KLHL1: variants seen among roughly 807,000 people sequenced by gnomAD.
The protein encoded by KLHL1 is kelch-like protein 1.
KLHL1 carries 47 observed loss-of-function variants against 77.7 expected under a neutral mutation model. The ratio of observed to expected loss-of-function variants is 0.60; its 90% CI spans 0.48 to 0.77. KLHL1 has a LOEUF of 0.77. Among genes scored for constraint, KLHL1 ranks in the 30% least tolerant of loss-of-function variants. The pLI is 0.00. For synonymous variants in KLHL1, 360 were observed against 325.2 expected (o/e 1.11, Z -1.15); for missense variants, 925 against 910.8 (o/e 1.02, Z -0.20).
intron 3 of KLHL1, among the ~76,000 whole-genome samples, chr13:69,955,944 TTATATA>T (rs570913158): frequency 7.5e-6 from 1 of 133,970 alleles, no homozygotes; most frequent in Non-Finnish European, 1.6e-5. Flanking sequence ...TGATATATAT[TTATATA>T]TATATTTGAT....
At chr13:69,924,176 C>G (rs1414438662) in intron 4 of KLHL1, among the ~76,000 whole-genome samples, 1 of 152,184 alleles carries the variant, frequency 6.6e-6, no homozygotes, top group Non-Finnish European at 1.5e-5. Flanking sequence ...TCAGCACAAA[C>G]AGCCTGGGCA....
intron 1 of KLHL1, among the ~76,000 whole-genome samples, chr13:70,000,992 C>T (rs961864452): frequency 7.4e-5 from 11 of 148,560 alleles, no homozygotes; most frequent in Non-Finnish European, 1.0e-4. Context: ...AAGTAATTGG[C>T]AAAATATAGA....
intron 7 of KLHL1, among the ~76,000 whole-genome samples, chr13:69,777,008 C>T (rs997155585): frequency 6.6e-6 from 1 of 152,016 alleles, no homozygotes; most frequent in African/African-American, 2.4e-5. Context: ...TCCCATAATC[C>T]CCACGTGTCA....
intron 5 of KLHL1, among the ~76,000 whole-genome samples, chr13:69,853,144 A>G (rs1354275781): frequency 6.6e-6 from 1 of 151,986 alleles, no homozygotes; most frequent in African/African-American, 2.4e-5. Flanking sequence ...CTGTTAAACT[A>G]CTGATATGGT....
In KLHL1 at chr13:69,847,478, T is replaced by A. The variant is rs1272358974; in HGVS notation, c.1228-8316A>T. 2.0e-5 allele frequency among the ~76,000 whole-genome samples: 3 copies of A among 150,590 alleles called. No individual in the cohort carries two copies. The Admixed American group carries it at 2.0e-4, about 10-fold the overall frequency. On this transcript the variant is annotated intron_variant, in intron 5 of 10. Coordinates refer to ENST00000377844, the MANE Select transcript of KLHL1 (RefSeq NM_020866.3). ...AGATGTACCAAGCGCAGCAATCACA[T>A]CTATACCTTTCATCTGGTCATGGAG...
chr13:69,719,738 A>C lies in KLHL1; in HGVS notation c.1803-157T>G, dbSNP rs144744828. ...TTTTGTTAAAGATACTCAATAAATGATCATATATACTAGAAATTTCTATTT... is the reference window on the plus strand; with the variant it reads ...TTTTGTTAAAGATACTCAATAAATGCTCATATATACTAGAAATTTCTATTT... On this transcript the variant is annotated intron_variant, in intron 8 of 10. Coordinates refer to ENST00000377844, the MANE Select transcript of KLHL1 (RefSeq NM_020866.3). Among the ~76,000 whole-genome samples, 50 of 152,136 alleles carry C rather than the reference A, an allele frequency of 3.3e-4. 1 individual carries two copies. The East Asian group carries it at 9.1e-3, about 28-fold the overall frequency.
Position 69,734,435 on chromosome 13 carries a change from A to T in KLHL1, c.1802+5959T>A, listed in dbSNP as rs369497105. On this transcript the variant is annotated intron_variant, in intron 8 of 10. Coordinates refer to ENST00000377844, the MANE Select transcript of KLHL1 (RefSeq NM_020866.3). ...CAATGTGAGAATGAACTAACACAGTAATAAAGAAAAATAAACTCCAAGAAC... is the reference window on the plus strand; with the variant it reads ...CAATGTGAGAATGAACTAACACAGTTATAAAGAAAAATAAACTCCAAGAAC... Among the ~76,000 whole-genome samples, 8 of 152,316 alleles carry T rather than the reference A, an allele frequency of 5.3e-5. No individual in the cohort carries two copies. The East Asian group carries it at 1.5e-3, about 29-fold the overall frequency.
chr13:69,973,068 G>C (rs113555463), intron 2 of KLHL1, among the ~76,000 whole-genome samples: 238 of 151,964 alleles, frequency 1.6e-3, no homozygotes, highest in African/African-American at 5.3e-3. Context: ...AATGAGTTCA[G>C]AATTTTGATT....
At chr13:69,814,194 G>T (rs536183823) in intron 6 of KLHL1, among the ~76,000 whole-genome samples, 24 of 152,050 alleles carry the variant, frequency 1.6e-4, no homozygotes, top group Non-Finnish European at 3.4e-4. Context: ...CTTACCATAC[G>T]CAGAAAAATG....
intron 4 of KLHL1, among the ~76,000 whole-genome samples, chr13:69,937,450 T>C (rs1432203347): frequency 6.6e-6 from 1 of 152,168 alleles, no homozygotes; most frequent in African/African-American, 2.4e-5. Context: ...TTTACTATTC[T>C]TGTTATTCTA....
intron 1 of KLHL1, among the ~76,000 whole-genome samples, chr13:70,047,280 G>GA (rs752563925): frequency 0.013 from 1,729 of 136,434 alleles, 43 homozygotes; most frequent in East Asian, 0.084. Flanking sequence ...TTGGTTAACT[G>GA]AAAAAAAAAA....
chr13:69,997,384 C>T (rs970716679), intron 1 of KLHL1, among the ~76,000 whole-genome samples: 10 of 143,212 alleles, frequency 7.0e-5, no homozygotes, highest in Admixed American at 2.2e-4. Flanking sequence ...ACTATAGGTA[C>T]GACGTTGCAC....
chr13:69,730,620 C>A (rs1222041056), intron 8 of KLHL1, among the ~76,000 whole-genome samples: 1 of 152,032 alleles, frequency 6.6e-6, no homozygotes, highest in Admixed American at 6.6e-5. Flanking sequence ...ATCACCCAGG[C>A]TATAGAGCAG....
At chr13:69,931,828 C>T (rs2138282764) in intron 4 of KLHL1, among the ~76,000 whole-genome samples, 1 of 151,636 alleles carries the variant, frequency 6.6e-6, no homozygotes, top group African/African-American at 2.4e-5. Flanking sequence ...AATTATGTTA[C>T]CTGTTAAAAA....
chr13:69,981,216 G>A (rs1202849728), intron 1 of KLHL1, among the ~76,000 whole-genome samples: 7 of 143,552 alleles, frequency 4.9e-5, no homozygotes, highest in Admixed American at 4.0e-4. Context: ...TGTACATTAT[G>A]ACAATACTAA....
chr13:69,903,253 C>A (rs1881932007), intron 4 of KLHL1, among the ~76,000 whole-genome samples: 1 of 152,146 alleles, frequency 6.6e-6, no homozygotes, highest in Non-Finnish European at 1.5e-5. Flanking sequence ...CCAAGATAAA[C>A]TGCAGCCAGA....
At chr13:69,883,777 G>C (rs1203382238) in intron 4 of KLHL1, among the ~76,000 whole-genome samples, 1 of 152,182 alleles carries the variant, frequency 6.6e-6, no homozygotes, top group Non-Finnish European at 1.5e-5. Context: ...AAAACTACTT[G>C]TCAAAAACTT....
intron 1 of KLHL1, among the ~76,000 whole-genome samples, chr13:69,992,604 ATAAT>A (rs1337580024): frequency 2.0e-5 from 3 of 152,052 alleles, no homozygotes; most frequent in Admixed American, 6.6e-5. Context: ...AAACTAGAAA[ATAAT>A]TAGTCTGGAA....
intron 4 of KLHL1, among the ~76,000 whole-genome samples, chr13:69,884,305 G>C (rs1396852632): frequency 6.6e-6 from 1 of 151,206 alleles, no homozygotes; most frequent in Non-Finnish European, 1.5e-5. Context: ...AGTTATTTTG[G>C]TTCCAGGAAA....
Sources: allele counts gnomAD v4.1 joint callset (sites outside exome capture counted in the v4.1 genomes callset), GRCh38; gene constraint gnomAD v4.1.1; transcripts MANE v1.5; gene names NCBI Gene and HGNC (gene_info 2026-07-23, HGNC 2026-07-21).